The following VMP1 variants were observed in gnomAD, a reference collection of about 807,000 sequenced individuals.
The protein encoded by VMP1 is vacuole membrane protein 1.
In VMP1, 11 loss-of-function variants were observed where a neutral mutation model predicts 56.0. The observed-to-expected ratio is 0.20, with a 90% CI of 0.12 to 0.32. The LOEUF (loss-of-function observed/expected upper bound fraction) is 0.32. VMP1 is among the 10% of genes least tolerant of loss of function. The pLI is 1.00. For missense variants in VMP1, 296 were observed against 490.3 expected (o/e 0.60, Z 3.74); for synonymous variants, 149 against 165.0 (o/e 0.90, Z 0.74).
chr17:59,817,817 A>G, intron 10 of VMP1, 44 bp downstream of exon 10: 1 of 1,396,880 alleles, frequency 7.2e-7, no homozygotes, highest in Non-Finnish European at 9.9e-7. Context: ...ATTACTCTTT[A>G]AATGGGAGTA....
chr17:59,752,931 A>G (rs1363698281), intron 5 of VMP1, among the ~76,000 whole-genome samples: 2 of 152,206 alleles, frequency 1.3e-5, no homozygotes, highest in East Asian at 3.8e-4. Context: ...TATGTATACT[A>G]TAACAACATA....
At chr17:59,818,799 C>A (rs2038338292) in intron 10 of VMP1, among the ~76,000 whole-genome samples, 1 of 152,024 alleles carries the variant, frequency 6.6e-6, no homozygotes. Flanking sequence ...GTTTTTAAAT[C>A]ATTATTATAG....
At chr17:59,749,129 T>C (rs1027373991) in intron 5 of VMP1, among the ~76,000 whole-genome samples, 1 of 151,356 alleles carries the variant, frequency 6.6e-6, no homozygotes, top group African/African-American at 2.4e-5. Flanking sequence ...TTTTTTTTTT[T>C]TGTATTTTTA....
At chr17:59,789,362 C>T (rs1378110747) in intron 7 of VMP1, among the ~76,000 whole-genome samples, 1 of 151,548 alleles carries the variant, frequency 6.6e-6, no homozygotes, top group Non-Finnish European at 1.5e-5. Flanking sequence ...TGGTGAAACC[C>T]CATCTCTACT....
intron 1 of VMP1, among the ~76,000 whole-genome samples, chr17:59,709,710 A>G (rs978028854): frequency 1.3e-5 from 2 of 152,184 alleles, no homozygotes; most frequent in Non-Finnish European, 2.9e-5. Context: ...CCATTGAATT[A>G]GTCACCATGG....
intron 2 of VMP1, among the ~76,000 whole-genome samples, chr17:59,732,608 G>T (rs1484416115): frequency 1.3e-5 from 2 of 152,084 alleles, no homozygotes; most frequent in Non-Finnish European, 2.9e-5. Context: ...CTGACTTTTG[G>T]GTTACTTTGG....
At chr17:59,794,995 CTTTTTTTTT>C (rs59397471) in intron 7 of VMP1, among the ~76,000 whole-genome samples, 1 of 121,220 alleles carries the variant, frequency 8.2e-6, no homozygotes. Context: ...CAGATTTGAT[CTTTTTTTTT>C]TTTTTTTTTT....
At chr17:59,757,064 T>C (rs1416788490) in intron 5 of VMP1, among the ~76,000 whole-genome samples, 1 of 152,214 alleles carries the variant, frequency 6.6e-6, no homozygotes, top group Non-Finnish European at 1.5e-5. Flanking sequence ...CATACTGATT[T>C]ATCATTTTAC....
At chr17:59,801,414 TG>T (rs1430012951) in intron 7 of VMP1, among the ~76,000 whole-genome samples, 1 of 140,074 alleles carries the variant, frequency 7.1e-6, no homozygotes, top group Non-Finnish European at 1.6e-5. Context: ...CCCAGCTAAT[TG>T]TTTTTTTTTT....
chr17:59,713,780 C>T (rs1452325077), intron 1 of VMP1, among the ~76,000 whole-genome samples: 1 of 148,106 alleles, frequency 6.8e-6, no homozygotes, highest in East Asian at 2.0e-4. Context: ...CAATGGTTCA[C>T]ACCTGTAATC....
chr17:59,808,617 TGTAATA>T (rs1273116822), intron 7 of VMP1, among the ~76,000 whole-genome samples, 173 bp from the exon 8 acceptor site: 1 of 152,252 alleles, frequency 6.6e-6, no homozygotes, highest in Non-Finnish European at 1.5e-5. Flanking sequence ...ACTTTAAGGA[TGTAATA>T]GTCTATCATT....
chr17:59,729,649 C>T (rs1057448700), intron 1 of VMP1: 1 of 151,560 alleles, frequency 6.6e-6, no homozygotes, highest in African/African-American at 2.4e-5. Flanking sequence ...TCTCCACATC[C>T]TCACTAACAC....
At chr17:59,814,107 A>C (rs1323193574) in intron 9 of VMP1, among the ~76,000 whole-genome samples, 1 of 152,134 alleles carries the variant, frequency 6.6e-6, no homozygotes, top group Non-Finnish European at 1.5e-5. Flanking sequence ...CAGCCTCCAG[A>C]GTAAGTGGGA....
chr17:59,811,920 C>T, intron 9 of VMP1, 134 bp downstream of exon 9: 1 of 608,104 alleles, frequency 1.6e-6, no homozygotes. Flanking sequence ...GGTAATACCA[C>T]ATAGAATGTC....
chr17:59,828,980 G>A (rs2038727988), intron 10 of VMP1, among the ~76,000 whole-genome samples: 1 of 152,164 alleles, frequency 6.6e-6, no homozygotes, highest in South Asian at 2.1e-4. Context: ...GCAGGGTGTA[G>A]TGGTGCCTAC....
intron 1 of VMP1, among the ~76,000 whole-genome samples, chr17:59,713,627 C>T (rs1043523492): frequency 2.0e-5 from 3 of 149,406 alleles, no homozygotes; most frequent in East Asian, 2.0e-4. Flanking sequence ...GTGGGTGGAT[C>T]GCTTGAGTCC....
In VMP1 at chr17:59,792,879, T is replaced by TAATAATAATAATAATAATA. The variant is rs1378493314; in HGVS notation, c.715-15916_715-15915insATAATAATAATAATAATAA. Among the ~76,000 whole-genome samples the TAATAATAATAATAATAATA allele has an allele frequency of 7.0e-4, 47 of 66,910 alleles. 7 individuals carry two copies. Among genetic ancestry groups the TAATAATAATAATAATAATA allele is most frequent in the Middle Eastern group, 6.6e-3 (1 of 152 alleles). The allele number at this position is 66,910 out of a possible 152,430, so 43.9% of individuals were successfully genotyped here. On this transcript the variant is annotated intron_variant, in intron 7 of 11. Transcript: ENST00000262291. ...AAATAATAATAATAATAATAATAAT[T>TAATAATAATAATAATAATA]ATTATTATTATTATCAGATGAGTGG...
At chr17:59,833,053 G>A (rs1235355459) in intron 10 of VMP1, among the ~76,000 whole-genome samples, 1 of 151,920 alleles carries the variant, frequency 6.6e-6, no homozygotes, top group Non-Finnish European at 1.5e-5. Context: ...TGGCATTTAG[G>A]GTATTTCCTA....
At chr17:59,736,602 G>A (rs1308954436) in intron 3 of VMP1, among the ~76,000 whole-genome samples, 2 of 151,628 alleles carry the variant, frequency 1.3e-5, no homozygotes, top group African/African-American at 4.9e-5. Flanking sequence ...AAATTAGCCG[G>A]GCATGGTGGC....
Sources: allele counts gnomAD v4.1 joint callset (sites outside exome capture counted in the v4.1 genomes callset), GRCh38; gene constraint gnomAD v4.1.1; transcripts MANE v1.5; gene names NCBI Gene and HGNC (gene_info 2026-07-23, HGNC 2026-07-21).